Variants in EPHA3 observed in about 807,000 individuals in gnomAD.
EPHA3 encodes the protein ephrin type-A receptor 3.
A neutral mutation model predicts 107.1 loss-of-function variants in EPHA3; 42 were observed. That is an observed-to-expected ratio of 0.39 (90% CI 0.31 to 0.51). EPHA3 has a LOEUF of 0.51. Ranked by LOEUF, EPHA3 falls within the 20% of genes least tolerant of loss-of-function variation. The pLI is 0.78. For synonymous variants in EPHA3, 461 were observed against 424.8 expected, an observed-to-expected ratio of 1.09 and a Z score of -1.05; for missense variants, 1,183 against 1,211.2, an observed-to-expected ratio of 0.98 and a Z score of 0.35.
intron 15 of EPHA3, among the ~76,000 whole-genome samples, chr3:89,467,356 A>T (rs774103957): frequency 2.0e-5 from 3 of 152,176 alleles, no homozygotes; most frequent in Non-Finnish European, 2.9e-5. Context: ...AACAAATAAA[A>T]AATAATTATA....
At chr3:89,305,391 G>A (rs556744766) in intron 3 of EPHA3, among the ~76,000 whole-genome samples, 1 of 152,226 alleles carries the variant, frequency 6.6e-6, no homozygotes, top group African/African-American at 2.4e-5. Context: ...TTTCACTCTA[G>A]TTTTATTCTG....
chr3:89,311,082 C>G (rs185150980), intron 3 of EPHA3, among the ~76,000 whole-genome samples: 2 of 151,860 alleles, frequency 1.3e-5, no homozygotes, highest in Admixed American at 1.3e-4. Flanking sequence ...AATGCTGGAG[C>G]GATACCTGGC....
intron 13 of EPHA3, among the ~76,000 whole-genome samples, chr3:89,434,678 CT>C (rs1435872561): frequency 2.0e-5 from 3 of 152,124 alleles, no homozygotes; most frequent in Non-Finnish European, 4.4e-5. Flanking sequence ...TAAATGTTTC[CT>C]TTACACTGAT....
At chr3:89,451,365 A>G (rs1158723889) in intron 15 of EPHA3, among the ~76,000 whole-genome samples, 1 of 152,180 alleles carries the variant, frequency 6.6e-6, no homozygotes, top group Non-Finnish European at 1.5e-5. Context: ...AAATATTAAT[A>G]TATTTGGTGC....
chr3:89,329,975 G>A (rs145317219), intron 3 of EPHA3, among the ~76,000 whole-genome samples: 97 of 151,872 alleles, frequency 6.4e-4, no homozygotes, highest in African/African-American at 2.1e-3. Context: ...CTCATTTTAT[G>A]TGAAAATCAA....
chr3:89,197,840 G>T (rs1215755082), intron 2 of EPHA3, among the ~76,000 whole-genome samples: 1 of 152,054 alleles, frequency 6.6e-6, no homozygotes, highest in East Asian at 1.9e-4. Flanking sequence ...AGCCTGGTGT[G>T]GTGGTGTGTG....
At chr3:89,170,864 G>A (rs1279909325) in intron 2 of EPHA3, among the ~76,000 whole-genome samples, 2 of 151,778 alleles carry the variant, frequency 1.3e-5, no homozygotes, top group South Asian at 2.1e-4. Flanking sequence ...ATTAAGTTCA[G>A]TAGTTTTCTG....
intron 7 of EPHA3, among the ~76,000 whole-genome samples, chr3:89,405,679 G>A (rs953429818): frequency 6.6e-6 from 1 of 152,246 alleles, no homozygotes; most frequent in African/African-American, 2.4e-5. Context: ...AAGATGATAT[G>A]TTGGCTCCTG....
chr3:89,200,103 T>C (rs1173025194), intron 2 of EPHA3, among the ~76,000 whole-genome samples: 1 of 152,216 alleles, frequency 6.6e-6, no homozygotes, highest in East Asian at 1.9e-4. Flanking sequence ...ACAGCTATCC[T>C]GTCTATCTGT....
chr3:89,248,256 C>T (rs192533200), intron 3 of EPHA3, among the ~76,000 whole-genome samples: 3 of 152,266 alleles, frequency 2.0e-5, no homozygotes, highest in Admixed American at 2.0e-4. Flanking sequence ...GAGACCTCCA[C>T]GTTACCAGAC....
intron 5 of EPHA3, among the ~76,000 whole-genome samples, chr3:89,354,074 A>G (rs1707892467): frequency 2.0e-5 from 3 of 151,332 alleles, no homozygotes; most frequent in Admixed American, 6.6e-5. Context: ...GTTGTATGTT[A>G]ACTATATTCC....
intron 16 of EPHA3, among the ~76,000 whole-genome samples, chr3:89,479,024 G>A (rs925849088): frequency 1.1e-4 from 17 of 152,174 alleles, no homozygotes; most frequent in East Asian, 9.7e-4. Context: ...TTTGTACATC[G>A]CCTTCTTCTC....
chr3:89,417,728 A>G (rs1559688444), intron 10 of EPHA3, among the ~76,000 whole-genome samples: 1 of 151,420 alleles, frequency 6.6e-6, no homozygotes, highest in South Asian at 2.1e-4. Context: ...TATCTTCTCT[A>G]CACTTCCTCA....
intron 1 of EPHA3, 99 bp downstream of exon 1, chr3:89,107,935 C>A: frequency 8.8e-7 from 1 of 1,139,792 alleles, no homozygotes; most frequent in Non-Finnish European, 1.3e-6. Flanking sequence ...AAGGTGCCTC[C>A]GAATAGAGCA....
intron 11 of EPHA3, among the ~76,000 whole-genome samples, chr3:89,428,021 G>T (rs1709492861): frequency 6.6e-6 from 1 of 151,832 alleles, no homozygotes; most frequent in African/African-American, 2.4e-5. Context: ...TGTCTAAAGT[G>T]CTTAAGTCTT....
intron 3 of EPHA3, among the ~76,000 whole-genome samples, chr3:89,259,840 C>T (rs1354007698): frequency 6.6e-6 from 1 of 152,094 alleles, no homozygotes; most frequent in Non-Finnish European, 1.5e-5. Flanking sequence ...TTCCTTTCTC[C>T]CCATTCCACC....
chr3:89,391,981 A>ATTTTCTT (rs1708753385), intron 5 of EPHA3, among the ~76,000 whole-genome samples: 1 of 152,090 alleles, frequency 6.6e-6, no homozygotes, highest in Non-Finnish European at 1.5e-5. Flanking sequence ...ACGGTTTTAA[A>ATTTTCTT]TTTTCTTTTT....
At chr3:89,155,883 G>A (rs1297223055) in intron 2 of EPHA3, among the ~76,000 whole-genome samples, 1 of 151,948 alleles carries the variant, frequency 6.6e-6, no homozygotes, top group South Asian at 2.1e-4. Context: ...GAACCAAGTC[G>A]TACTGCAGTG....
chr3:89,110,501 A>C (rs1707078086), intron 1 of EPHA3, among the ~76,000 whole-genome samples: 1 of 151,982 alleles, frequency 6.6e-6, no homozygotes, highest in African/African-American at 2.4e-5. Flanking sequence ...CTTTCAAGAA[A>C]ATGACTCCAG....
Sources: allele counts gnomAD v4.1 joint callset (sites outside exome capture counted in the v4.1 genomes callset), GRCh38; gene constraint gnomAD v4.1.1; transcripts MANE v1.5; gene names NCBI Gene and HGNC (gene_info 2026-07-23, HGNC 2026-07-21).